The following SLC9A9 variants were observed in gnomAD, a reference collection of about 807,000 sequenced individuals.
SLC9A9 encodes sodium/hydrogen exchanger 9.
SLC9A9 carries 62 observed loss-of-function variants against 77.8 expected under a neutral mutation model. That is an observed-to-expected ratio of 0.80 (90% CI 0.65 to 0.98). The LOEUF (loss-of-function observed/expected upper bound fraction) is 0.98, where lower values mean the gene tolerates loss of function less well. Ranked by LOEUF, SLC9A9 falls within the 50% of genes least tolerant of loss-of-function variation. The probability of loss-of-function intolerance (pLI) is 0.00; values close to 1 mark genes in which losing one functional copy is unlikely to be tolerated. For missense variants in SLC9A9, 775 were observed against 774.9 expected, an observed-to-expected ratio of 1.00 and a Z score of 0.00; for synonymous variants, 320 against 283.5, an observed-to-expected ratio of 1.13 and a Z score of -1.29.
intron 12 of SLC9A9, among the ~76,000 whole-genome samples, chr3:143,445,021 C>T (rs549079466): frequency 1.3e-5 from 2 of 152,328 alleles, no homozygotes; most frequent in African/African-American, 4.8e-5. Flanking sequence ...CCCCGGTTTT[C>T]CTCTGCTGTG....
At chr3:143,349,257 G>A (rs1372491807) in intron 14 of SLC9A9, among the ~76,000 whole-genome samples, 1 of 152,184 alleles carries the variant, frequency 6.6e-6, no homozygotes, top group Non-Finnish European at 1.5e-5. Flanking sequence ...GGGCTTAAAG[G>A]TGCTTACCTG....
intron 4 of SLC9A9, among the ~76,000 whole-genome samples, chr3:143,760,147 G>A (rs1359725731): frequency 3.3e-5 from 5 of 152,114 alleles, no homozygotes; most frequent in Middle Eastern, 3.4e-3. Flanking sequence ...AATAATAACC[G>A]TAAATAGCTC....
chr3:143,324,780 C>T (rs894832436), intron 14 of SLC9A9, among the ~76,000 whole-genome samples: 10 of 152,140 alleles, frequency 6.6e-5, no homozygotes, highest in Admixed American at 6.5e-4. Flanking sequence ...CACGATTGCA[C>T]CACTACACTC....
chr3:143,515,163 G>T (rs1444544381), intron 9 of SLC9A9, among the ~76,000 whole-genome samples: 2 of 152,122 alleles, frequency 1.3e-5, no homozygotes, highest in Admixed American at 6.6e-5. Flanking sequence ...ACCAGTTGGT[G>T]GAGCAATCAA....
chr3:143,773,977 A>T (rs933068669), intron 4 of SLC9A9, among the ~76,000 whole-genome samples: 1 of 152,198 alleles, frequency 6.6e-6, no homozygotes, highest in Non-Finnish European at 1.5e-5. Context: ...TTAATGAGTG[A>T]CTATTACAGC....
At chr3:143,620,758 AG>A (rs1484490544) in intron 6 of SLC9A9, 1 of 152,920 alleles carries the variant, frequency 6.5e-6, no homozygotes, top group Non-Finnish European at 1.5e-5. Context: ...GGTGAGTGTC[AG>A]AAAGTGGGTG....
In SLC9A9 at chr3:143,607,298, A is replaced by G. The variant is rs540935292; in HGVS notation, c.756-28575T>C. Among the ~76,000 whole-genome samples, 7 of 152,214 alleles carry G rather than the reference A, an allele frequency of 4.6e-5. No individual in the cohort carries two copies. In the South Asian group the frequency reaches 1.4e-3, roughly 32 times the overall value. On this transcript the variant is annotated intron_variant, in intron 6 of 15. Coordinates refer to ENST00000316549, the MANE Select transcript of SLC9A9 (RefSeq NM_173653.4). ...ATATGCTTTTAGTAAGAGAATCACT[A>G]AAGGAAAAACTTCAGAAAGAATAAA...
chr3:143,812,481 G>A (rs757026086), intron 2 of SLC9A9, among the ~76,000 whole-genome samples: 24 of 152,320 alleles, frequency 1.6e-4, no homozygotes, highest in Non-Finnish European at 2.6e-4. Flanking sequence ...AGTCAAAAGA[G>A]CAAGGTGCAG....
At chr3:143,719,718 G>A (rs1934446806) in intron 4 of SLC9A9, among the ~76,000 whole-genome samples, 1 of 152,174 alleles carries the variant, frequency 6.6e-6, no homozygotes, top group Non-Finnish European at 1.5e-5. Context: ...AAGCCATACT[G>A]CTATAGTAGT....
At chr3:143,518,341 G>T (rs932574829) in intron 9 of SLC9A9, 7 of 653,956 alleles carry the variant, frequency 1.1e-5, no homozygotes, top group Non-Finnish European at 1.9e-5. Context: ...TTAGATTTTT[G>T]TGTAATATTA....
intron 6 of SLC9A9, among the ~76,000 whole-genome samples, chr3:143,596,096 A>G (rs1308434858): frequency 6.6e-6 from 1 of 152,150 alleles, no homozygotes; most frequent in East Asian, 1.9e-4. Flanking sequence ...CGTCTGAGTG[A>G]TGAGAGGGAA....
chr3:143,507,420 G>A (rs2108601967), intron 9 of SLC9A9, among the ~76,000 whole-genome samples: 1 of 152,138 alleles, frequency 6.6e-6, no homozygotes, highest in East Asian at 1.9e-4. Flanking sequence ...TGTTAGCCAG[G>A]ATGGTCTCAA....
chr3:143,527,067 A>G (rs1037799116), intron 9 of SLC9A9, among the ~76,000 whole-genome samples: 1 of 152,218 alleles, frequency 6.6e-6, no homozygotes, highest in Non-Finnish European at 1.5e-5. Context: ...AACACCCTCT[A>G]TGCAGTTTTA....
intron 2 of SLC9A9, among the ~76,000 whole-genome samples, chr3:143,811,361 T>C (rs2108872026): frequency 6.6e-6 from 1 of 152,234 alleles, no homozygotes; most frequent in East Asian, 1.9e-4. Context: ...AAGAATACTC[T>C]CAGAATACCT....
chr3:143,415,167 C>T (rs904666763), intron 12 of SLC9A9, among the ~76,000 whole-genome samples: 18 of 152,158 alleles, frequency 1.2e-4, no homozygotes, highest in Admixed American at 7.9e-4. Context: ...GAAGCTAGCT[C>T]ATAAGGTTTA....
intron 2 of SLC9A9, among the ~76,000 whole-genome samples, chr3:143,817,395 G>T (rs375571482): frequency 6.6e-6 from 1 of 151,588 alleles, no homozygotes; most frequent in African/African-American, 2.4e-5. Flanking sequence ...TGATCCACCC[G>T]CCTCGGCCTC....
chr3:143,348,821 G>A (rs765843526), intron 14 of SLC9A9, among the ~76,000 whole-genome samples: 3 of 152,258 alleles, frequency 2.0e-5, no homozygotes, highest in Non-Finnish European at 2.9e-5. Flanking sequence ...CTTTGGGTAC[G>A]GGGGAGTTGC....
intron 12 of SLC9A9, among the ~76,000 whole-genome samples, chr3:143,437,299 C>T (rs998537200): frequency 6.6e-6 from 1 of 152,204 alleles, no homozygotes; most frequent in African/African-American, 2.4e-5. Flanking sequence ...ATTCCTAGTC[C>T]CACATTCCTT....
At chr3:143,337,772 G>T (rs1382554882) in intron 14 of SLC9A9, among the ~76,000 whole-genome samples, 1 of 152,230 alleles carries the variant, frequency 6.6e-6, no homozygotes, top group Non-Finnish European at 1.5e-5. Flanking sequence ...GGGAACCAAA[G>T]ACAGGGAAGG....
Sources: allele counts gnomAD v4.1 joint callset (sites outside exome capture counted in the v4.1 genomes callset), GRCh38; gene constraint gnomAD v4.1.1; transcripts MANE v1.5; gene names NCBI Gene and HGNC (gene_info 2026-07-23, HGNC 2026-07-21).